Variants in FHIT observed in about 807,000 individuals in gnomAD.
FHIT encodes fragile histidine triad diadenosine triphosphatase, also known as bis(5'-adenosyl)-triphosphatase.
In FHIT, 19 loss-of-function variants were observed where a neutral mutation model predicts 17.9. The ratio of observed to expected loss-of-function variants is 1.06; its 90% CI spans 0.74 to 1.56. The LOEUF (loss-of-function observed/expected upper bound fraction) is 1.56, where lower values mean the gene tolerates loss of function less well. FHIT is among the 40% of genes most tolerant of loss of function. The probability of loss-of-function intolerance (pLI) is 0.00; values close to 1 mark genes in which losing one functional copy is unlikely to be tolerated. For missense variants in FHIT, 248 were observed against 189.2 expected, an observed-to-expected ratio of 1.31 and a Z score of -1.82; for synonymous variants, 81 against 69.7, an observed-to-expected ratio of 1.16 and a Z score of -0.81.
chr3:61,201,052 T>C (rs766393098), intron 1 of FHIT, among the ~76,000 whole-genome samples: 12 of 152,270 alleles, frequency 7.9e-5, no homozygotes, highest in Non-Finnish European at 1.8e-4. Flanking sequence ...TTGCATGCTC[T>C]ATTTCCATTT....
At chr3:60,732,089 T>C in intron 4 of FHIT, 2 of 611,290 alleles carry the variant, frequency 3.3e-6, no homozygotes, top group Non-Finnish European at 5.8e-6. Flanking sequence ...GGAGGGGTAG[T>C]CTCCTGAGCT....
At chr3:59,882,571 C>T (rs1703454229) in intron 8 of FHIT, among the ~76,000 whole-genome samples, 1 of 152,118 alleles carries the variant, frequency 6.6e-6, no homozygotes, top group Non-Finnish European at 1.5e-5. Context: ...ACTTTCACAT[C>T]CCTACAAAGC....
At chr3:61,034,226 A>G (rs1235847041) in intron 3 of FHIT, among the ~76,000 whole-genome samples, 1 of 152,176 alleles carries the variant, frequency 6.6e-6, no homozygotes, top group Non-Finnish European at 1.5e-5. Context: ...TATATATGAC[A>G]CCAAAAGCAC....
At chr3:60,642,291 G>T (rs782769897) in intron 4 of FHIT, among the ~76,000 whole-genome samples, 4 of 152,162 alleles carry the variant, frequency 2.6e-5, no homozygotes, top group Non-Finnish European at 4.4e-5. Flanking sequence ...CCCCCAAAGG[G>T]TAATTTACAC....
intron 2 of FHIT, among the ~76,000 whole-genome samples, chr3:61,167,648 A>T (rs2037879622): frequency 1.3e-5 from 2 of 148,706 alleles, no homozygotes; most frequent in South Asian, 4.2e-4. Context: ...AAAAAAAAAG[A>T]AAGAAAAGAA....
At chr3:60,926,595 G>C (rs578044370) in intron 3 of FHIT, among the ~76,000 whole-genome samples, 23 of 152,298 alleles carry the variant, frequency 1.5e-4, no homozygotes, top group Non-Finnish European at 2.8e-4. Context: ...ATGCCCACAA[G>C]AGAAATCAGG....
intron 2 of FHIT, among the ~76,000 whole-genome samples, chr3:61,086,747 T>C (rs1337946712): frequency 9.2e-5 from 14 of 152,076 alleles, no homozygotes; most frequent in Non-Finnish European, 1.9e-4. Flanking sequence ...GATTATTAGC[T>C]ACCCTATCAT....
At chr3:61,029,015 C>T (rs948049500) in intron 3 of FHIT, among the ~76,000 whole-genome samples, 1 of 152,124 alleles carries the variant, frequency 6.6e-6, no homozygotes, top group Non-Finnish European at 1.5e-5. Flanking sequence ...TGAGGCTAGA[C>T]CAAGGCTCTT....
chr3:59,913,650 A>T (rs1443486110), intron 8 of FHIT, among the ~76,000 whole-genome samples: 1 of 152,152 alleles, frequency 6.6e-6, no homozygotes, highest in African/African-American at 2.4e-5. Flanking sequence ...ATTGTATTAT[A>T]TTATTATTTT....
At chr3:60,418,412 A>G (rs1249802577) in intron 5 of FHIT, among the ~76,000 whole-genome samples, 10,770 of 84,606 alleles carry the variant, frequency 0.13, 1,460 homozygotes, top group East Asian at 0.37. Context: ...ATATATATAT[A>G]TATATATATA....
intron 5 of FHIT, among the ~76,000 whole-genome samples, chr3:60,285,202 T>C (rs376351683): frequency 3.9e-5 from 6 of 152,150 alleles, no homozygotes; most frequent in African/African-American, 1.2e-4. Flanking sequence ...ATTTTTATTA[T>C]AGTCATATTA....
At chr3:60,965,801 C>T (rs1553783092) in intron 3 of FHIT, among the ~76,000 whole-genome samples, 1 of 152,170 alleles carries the variant, frequency 6.6e-6, no homozygotes, top group African/African-American at 2.4e-5. Context: ...CCTCTGAAAG[C>T]TTTGTCTCAG....
intron 5 of FHIT, among the ~76,000 whole-genome samples, chr3:60,095,619 G>A (rs1246148135): frequency 1.3e-5 from 2 of 152,208 alleles, no homozygotes; most frequent in Non-Finnish European, 2.9e-5. Context: ...TAGAGGGAAA[G>A]CTGAGGGTGA....
intron 5 of FHIT, among the ~76,000 whole-genome samples, chr3:60,169,138 T>C (rs1301914994): frequency 6.6e-6 from 1 of 152,200 alleles, no homozygotes; most frequent in Non-Finnish European, 1.5e-5. Flanking sequence ...TGCTCAAAAT[T>C]GTGTGTGCCA....
intron 5 of FHIT, among the ~76,000 whole-genome samples, chr3:60,432,929 T>TTA: frequency 6.7e-6 from 1 of 150,210 alleles, no homozygotes; most frequent in South Asian, 2.1e-4. Flanking sequence ...TTTTTTTTTT[T>TTA]ACTGTGATAA....
chr3:61,037,013 G>C (rs1207859614), intron 3 of FHIT, among the ~76,000 whole-genome samples: 1 of 150,608 alleles, frequency 6.6e-6, no homozygotes, highest in Admixed American at 6.6e-5. Flanking sequence ...CCGAGTTCAC[G>C]CCACTCTACT....
intron 7 of FHIT, among the ~76,000 whole-genome samples, chr3:60,007,184 T>C (rs1699958211): frequency 6.6e-6 from 1 of 152,006 alleles, no homozygotes; most frequent in Non-Finnish European, 1.5e-5. Context: ...AAGATGAACA[T>C]ACCAATTGTT....
At chr3:60,579,079 T>C (rs1461041958) in intron 4 of FHIT, among the ~76,000 whole-genome samples, 1 of 152,098 alleles carries the variant, frequency 6.6e-6, no homozygotes, top group Non-Finnish European at 1.5e-5. Context: ...TTGTAAGTAG[T>C]AGAGGAGCAA....
At chr3:60,775,613 T>G (rs1039906683) in intron 4 of FHIT, among the ~76,000 whole-genome samples, 1 of 152,160 alleles carries the variant, frequency 6.6e-6, no homozygotes, top group African/African-American at 2.4e-5. Flanking sequence ...TATGGAAAAG[T>G]CCTGCAATAT....
Sources: gnomAD v4.1 joint callset for allele counts (sites outside exome capture counted in the v4.1 genomes callset) on GRCh38, gnomAD v4.1.1 for gene constraint, MANE v1.5 for transcripts, NCBI Gene and HGNC (gene_info 2026-07-23, HGNC 2026-07-21) for gene names.